Variants in SMIM14 observed in about 807,000 individuals in gnomAD.
SMIM14 encodes the protein small integral membrane protein 14, also known as chromosome 4 open reading frame 34.
A neutral mutation model predicts 12.6 loss-of-function variants in SMIM14; 5 were observed. The observed-to-expected ratio is 0.40, with a 90% CI of 0.21 to 0.83. The LOEUF (loss-of-function observed/expected upper bound fraction) is 0.83. Ranked by LOEUF, SMIM14 falls within the 40% of genes least tolerant of loss-of-function variation. The pLI, the probability that SMIM14 is intolerant of heterozygous loss-of-function variation, is 0.37. For missense variants in SMIM14, 86 were observed against 119.1 expected (o/e 0.72, Z 1.29); for synonymous variants, 30 against 40.1 (o/e 0.75, Z 0.95).
intron 2 of SMIM14, among the ~76,000 whole-genome samples, chr4:39,599,499 T>A (rs984418737): frequency 1.3e-5 from 2 of 152,124 alleles, no homozygotes; most frequent in African/African-American, 2.4e-5. Flanking sequence ...AGAGGCTAAA[T>A]GCAGCAATCC....
Position 39,638,823 on chromosome 4 carries a change from G to A in SMIM14, c.-120C>T. ...AAAGACCGCCTGGAGCTTCCAGAAG[G>A]CTGCGGCTGCTCCGGACGCTGCTGC... On this transcript the variant is annotated 5_prime_UTR_variant, in exon 1 of 5. Transcript: ENST00000295958. 1 of 985,970 alleles carries A rather than the reference G, an allele frequency of 1.0e-6. No individual in the cohort carries two copies. The highest frequency in any genetic ancestry group is 1.2e-6 in the Non-Finnish European group (1 of 830,358). 61.1% of individuals were successfully genotyped at this position (985,970 alleles called of 1,614,324 possible).
At chr4:39,586,619 TCTACCAA>T (rs1713795460) in intron 2 of SMIM14, among the ~76,000 whole-genome samples, 1 of 152,086 alleles carries the variant, frequency 6.6e-6, no homozygotes, top group Non-Finnish European at 1.5e-5. Context: ...TGCCCTTACT[TCTACCAA>T]CAGTCCCTCA....
At chr4:39,563,395 T>C (rs891139021) in intron 3 of SMIM14, among the ~76,000 whole-genome samples, 3 of 152,124 alleles carry the variant, frequency 2.0e-5, no homozygotes, top group Non-Finnish European at 4.4e-5. Flanking sequence ...TTCCCTGGCC[T>C]GGCTATGCAT....
intron 2 of SMIM14, among the ~76,000 whole-genome samples, chr4:39,604,039 A>G (rs1476263242): frequency 6.6e-6 from 1 of 151,938 alleles, no homozygotes; most frequent in African/African-American, 2.4e-5. Context: ...AATGCTTTAC[A>G]TAGAGATTCG....
chr4:39,619,167 T>TTC (rs1560306754), intron 1 of SMIM14, among the ~76,000 whole-genome samples: 1 of 148,092 alleles, frequency 6.8e-6, no homozygotes, highest in African/African-American at 2.5e-5. Context: ...ATTTAATTTA[T>TTC]TATATATACC....
intron 2 of SMIM14, among the ~76,000 whole-genome samples, chr4:39,591,501 C>T (rs7674326): frequency 0.051 from 7,706 of 152,170 alleles, 651 homozygotes; most frequent in African/African-American, 0.17. Context: ...CACCCCAAAA[C>T]GGGCATTCTT....
In SMIM14 at chr4:39,547,126, C is replaced by G. The variant is rs1034885700; in HGVS notation, c.*5000G>C. 2 of 152,162 alleles carry G rather than the reference C, an allele frequency of 1.3e-5. No individual in the cohort carries two copies. Among genetic ancestry groups the G allele is most frequent in the African/African-American group, 4.8e-5 (2 of 41,462 alleles). The allele number at this position is 152,162 out of a possible 1,614,324, so 9.4% of individuals were successfully genotyped here. A position where few individuals can be genotyped will look rare whatever the true frequency, so the allele number is the denominator to read the frequency against. ...TCTACTTCTGAATACTGGCCCCATA[C>G]TGCATATTTTATGAATATTTTTCTC... On this transcript the variant is annotated 3_prime_UTR_variant, in exon 5 of 5. Transcript: ENST00000295958.
At chr4:39,569,130 G>GTA (rs1712733874) in intron 3 of SMIM14, among the ~76,000 whole-genome samples, 1 of 152,182 alleles carries the variant, frequency 6.6e-6, no homozygotes, top group Non-Finnish European at 1.5e-5. Flanking sequence ...GCTGTACATT[G>GTA]TAGATTAATG....
chr4:39,620,989 A>C (rs1715464932), intron 1 of SMIM14: 1 of 152,214 alleles, frequency 6.6e-6, no homozygotes, highest in Non-Finnish European at 1.5e-5. Flanking sequence ...CAATTTCAAT[A>C]AATTCAGTGC....
chr4:39,612,295 C>T (rs1356602261), intron 1 of SMIM14, among the ~76,000 whole-genome samples: 1 of 152,092 alleles, frequency 6.6e-6, no homozygotes, highest in Non-Finnish European at 1.5e-5. Flanking sequence ...GCACTCGTTA[C>T]CCCAGTTGGA....
intron 2 of SMIM14, among the ~76,000 whole-genome samples, chr4:39,591,558 A>C (rs1330649745): frequency 6.6e-6 from 1 of 151,974 alleles, no homozygotes; most frequent in Admixed American, 6.6e-5. Flanking sequence ...GTTAGTTTAT[A>C]ATATGTACTT....
rs71192876 is a variant in SMIM14, at chr4:39,572,277, CTTTTTT to C, written c.124+132_124+137del. 5.2e-3 allele frequency: 1,090 copies of C among 210,586 alleles called. 7 individuals carry two copies. The highest frequency in any genetic ancestry group is 0.047 in the African/African-American group (881 of 18,734). 13.0% of individuals were successfully genotyped at this position (210,586 alleles called of 1,614,324 possible). On this transcript the variant is annotated intron_variant, in intron 3 of 4. Transcript: ENST00000295958. ...TAATTTCTTTTGTGCGTATGTGTCG[CTTTTTT>C]TTTTTTTTTTTTTTTTTTTGGTAAC... is the stretch of plus-strand genomic sequence containing the variant.
At chr4:39,596,977 T>C (rs1714392845) in intron 2 of SMIM14, among the ~76,000 whole-genome samples, 1 of 151,996 alleles carries the variant, frequency 6.6e-6, no homozygotes, top group South Asian at 2.1e-4. Context: ...GATTTTGCCG[T>C]ATTGCCCAGG....
At chr4:39,565,119 G>A (rs1455531713) in intron 3 of SMIM14, among the ~76,000 whole-genome samples, 1 of 152,180 alleles carries the variant, frequency 6.6e-6, no homozygotes, top group Non-Finnish European at 1.5e-5. Context: ...TCAGGAGGCT[G>A]AGGTGGGAGG....
chr4:39,633,862 A>G (rs1462351581), intron 1 of SMIM14, among the ~76,000 whole-genome samples: 1 of 152,270 alleles, frequency 6.6e-6, no homozygotes, highest in Admixed American at 6.5e-5. Context: ...CTACAAATTT[A>G]CTTGAAGCCT....
At position 39,638,450 on chromosome 4, in the gene SMIM14, A is replaced by G. The variant is rs533172078; in HGVS notation, c.-36+289T>C. The G allele has an allele frequency of 2.7e-5, 27 of 985,364 alleles. No homozygotes were observed. In the East Asian group the frequency reaches 2.8e-3, roughly 104 times the overall value. 61.0% of individuals were successfully genotyped at this position (985,364 alleles called of 1,614,324 possible). ...TCCACCCGTCGACAATCTGATCCTAAAAATAAAACCACCCGTGGCTACCTT... is the reference window on the plus strand; with the variant it reads ...TCCACCCGTCGACAATCTGATCCTAGAAATAAAACCACCCGTGGCTACCTT... On this transcript the variant is annotated intron_variant, in intron 1 of 4. Transcript: ENST00000295958.
At chr4:39,583,469 A>C (rs1225018389) in intron 2 of SMIM14, among the ~76,000 whole-genome samples, 4 of 152,056 alleles carry the variant, frequency 2.6e-5, no homozygotes, top group African/African-American at 7.3e-5. Flanking sequence ...GGGTTTGGAA[A>C]CATAGTCACA....
At chr4:39,557,952 A>G (rs924880023) in intron 3 of SMIM14, among the ~76,000 whole-genome samples, 5 of 152,164 alleles carry the variant, frequency 3.3e-5, no homozygotes, top group Non-Finnish European at 2.9e-5. Context: ...TAGATATTTT[A>G]AAATTTTATC....
At chr4:39,632,826 C>CAAAAGA (rs1175989037) in intron 1 of SMIM14, among the ~76,000 whole-genome samples, 4 of 117,848 alleles carry the variant, frequency 3.4e-5, no homozygotes, top group Non-Finnish European at 5.4e-5. Context: ...CACACACACA[C>CAAAAGA]AAAAGAAAAA....
Sources: gnomAD v4.1 joint callset for allele counts (sites outside exome capture counted in the v4.1 genomes callset) on GRCh38, gnomAD v4.1.1 for gene constraint, MANE v1.5 for transcripts, NCBI Gene and HGNC (gene_info 2026-07-23, HGNC 2026-07-21) for gene names.